The following NDST1 variants were observed in gnomAD, a reference collection of about 807,000 sequenced individuals.
NDST1 encodes the protein N-deacetylase and N-sulfotransferase 1.
A neutral mutation model predicts 92.8 loss-of-function variants in NDST1; 35 were observed. That is an observed-to-expected ratio of 0.38 (90% CI 0.29 to 0.50). NDST1 has a LOEUF of 0.50. Among genes scored for constraint, NDST1 ranks in the 20% least tolerant of loss-of-function variants. The probability of loss-of-function intolerance (pLI) is 0.94; values close to 1 mark genes in which losing one functional copy is unlikely to be tolerated. For missense variants in NDST1, 822 were observed against 1,182.7 expected, an observed-to-expected ratio of 0.69 and a Z score of 4.47; for synonymous variants, 493 against 500.3, an observed-to-expected ratio of 0.99 and a Z score of 0.19.
At chr5:150,505,837 T>A (rs1310245523), upstream of NDST1, among the ~76,000 whole-genome samples, 1 of 152,190 alleles carries the variant, frequency 6.6e-6, no homozygotes, top group Non-Finnish European at 1.5e-5. Flanking sequence ...TGCAGTGCCA[T>A]AGTGCAGTTG....
At chr5:150,505,288 A>G (rs1753400774), upstream of NDST1, among the ~76,000 whole-genome samples, 1 of 152,176 alleles carries the variant, frequency 6.6e-6, no homozygotes, top group Non-Finnish European at 1.5e-5. Flanking sequence ...CCTTCACATT[A>G]GCCCCGGCAT....
intron 11 of NDST1, among the ~76,000 whole-genome samples, chr5:150,547,992 C>T (rs1395536102): frequency 6.6e-6 from 1 of 152,138 alleles, no homozygotes; most frequent in Non-Finnish European, 1.5e-5. Flanking sequence ...CATCAGGAAA[C>T]CCTGATTTCG....
Position 150,521,245 on chromosome 5 carries a change from G to T in NDST1, c.-10G>T. ...CCGGGCCTCCGGTGGCCAAGGTCTCGGAGGCCAGGATGCCTGCCCTGGCAT... is the reference window on the plus strand; with the variant it reads ...CCGGGCCTCCGGTGGCCAAGGTCTCTGAGGCCAGGATGCCTGCCCTGGCAT... On this transcript the variant is annotated 5_prime_UTR_variant, in exon 2 of 15. Coordinates refer to ENST00000261797, the MANE Select transcript of NDST1 (RefSeq NM_001543.5). The surrounding 1 kb of genome is among the most constrained non-coding windows in gnomAD (Gnocchi z 5.9). The T allele has an allele frequency of 6.2e-7, 1 of 1,602,666 alleles. No homozygotes were observed. The highest frequency in any genetic ancestry group is 8.5e-7 in the Non-Finnish European group (1 of 1,176,458).
intron 1 of NDST1, among the ~76,000 whole-genome samples, chr5:150,516,697 G>T (rs568999092): frequency 1.3e-5 from 2 of 152,052 alleles, no homozygotes; most frequent in Non-Finnish European, 1.5e-5. Flanking sequence ...ACAGAGTCTC[G>T]CTCTATTGCC....
rs568470161 is a variant in NDST1 at position 150,500,175 on chromosome 5, G to A, written c.-388+1936G>A. Among the ~76,000 whole-genome samples the A allele has an allele frequency of 1.5e-4, 23 of 152,346 alleles. No individual in the cohort carries two copies. The South Asian group carries it at 4.8e-3, about 32-fold the overall frequency. On this transcript the variant is annotated intron_variant, in intron 1 of 1. Transcript: ENST00000518299. The stretch of plus-strand genomic sequence containing the variant: ...AGAGGTTGCAATTGTTCTGGCTACA[G>A]GAAAAACCTGGGAAGCTTGCAAAAA...
chr5:150,508,322 A>AGTGTGTGTGTGTGTGTGTGTGT (rs56201209), intron 1 of NDST1, 96 bp downstream of exon 1: 3 of 145,980 alleles, frequency 2.1e-5, no homozygotes, highest in African/African-American at 7.7e-5. Flanking sequence ...GGTCCATCTG[A>AGTGTGTGTGTGTGTGTGTGTGT]GTGTGTGTGT....
chr5:150,552,584 C>T, intron 14 of NDST1: 1 of 178,776 alleles, frequency 5.6e-6, no homozygotes, highest in Non-Finnish European at 1.2e-5. Context: ...ACCCCCTGGG[C>T]TCAATCGATC....
chr5:150,534,725 T>A (rs1254570037), intron 4 of NDST1, 142 bp from the exon 5 acceptor site: 2 of 969,562 alleles, frequency 2.1e-6, no homozygotes, highest in African/African-American at 3.2e-5. Context: ...GGGCTCTGTC[T>A]GCTCCTGTGC....
chr5:150,512,562 TC>T (rs1357124788), intron 1 of NDST1, among the ~76,000 whole-genome samples: 2 of 152,340 alleles, frequency 1.3e-5, no homozygotes, highest in African/African-American at 2.4e-5. Flanking sequence ...CGAACCTCCT[TC>T]CTGGATCCCA....
chr5:150,549,822 C>G (rs1459976303), intron 13 of NDST1, 35 bp downstream of exon 13: 1 of 1,361,894 alleles, frequency 7.3e-7, no homozygotes, highest in South Asian at 1.2e-5. Flanking sequence ...CAGGTTATTT[C>G]CCTGATAAGG....
intron 3 of NDST1, among the ~76,000 whole-genome samples, chr5:150,530,889 A>G (rs56696298): frequency 0.032 from 4,854 of 152,220 alleles, 266 homozygotes; most frequent in African/African-American, 0.11. Context: ...AGTGAAAGGA[A>G]TGATAGCAGT....
At chr5:150,525,366 C>T (rs1581373536) in intron 2 of NDST1, among the ~76,000 whole-genome samples, 1 of 152,214 alleles carries the variant, frequency 6.6e-6, no homozygotes, top group African/African-American at 2.4e-5. Flanking sequence ...AATGGGATCC[C>T]TCAGCACCCG....
At chr5:150,535,908 AG>A in intron 6 of NDST1, 23 bp downstream of exon 6, 1 of 1,608,500 alleles carries the variant, frequency 6.2e-7, no homozygotes, top group East Asian at 2.2e-5. Context: ...CTGGAAGCCC[AG>A]GAGGTGGGAG....
chr5:150,547,500 G>A (rs1755540945), intron 11 of NDST1, among the ~76,000 whole-genome samples: 1 of 152,220 alleles, frequency 6.6e-6, no homozygotes, highest in African/African-American at 2.4e-5. Flanking sequence ...ATTATTTTAA[G>A]TGATTCAGAC....
At position 150,554,335 on chromosome 5, in the gene NDST1, T is replaced by TTATATATATATATATA. The variant is rs55954668; in HGVS notation, c.*1012_*1027dup. 7.2e-6 allele frequency: 1 copy of TTATATATATATATATA among 138,166 alleles called. No individual in the cohort carries two copies. The highest frequency in any genetic ancestry group is 2.8e-5 in the African/African-American group (1 of 35,858). 8.6% of individuals were successfully genotyped at this position (138,166 alleles called of 1,614,324 possible). On this transcript the variant is annotated 3_prime_UTR_variant, in exon 15 of 15. Coordinates refer to ENST00000261797, the MANE Select transcript of NDST1 (RefSeq NM_001543.5). Reference sequence around the variant, plus strand: ...CCCTGGGTGCTGGGGTCGCACTGTGTTATATATATATATATATATATATAA... The same window carrying TTATATATATATATATA: ...CCCTGGGTGCTGGGGTCGCACTGTGTTATATATATATATATATATATATATATATATATATATATAA...
At chr5:150,526,137 G>A (rs1754466735) in intron 2 of NDST1, among the ~76,000 whole-genome samples, 1 of 152,114 alleles carries the variant, frequency 6.6e-6, no homozygotes, top group Non-Finnish European at 1.5e-5. Flanking sequence ...CCCTTTGTTT[G>A]TGCTTGTTTG....
chr5:150,552,353 G>A (rs1216614608), intron 14 of NDST1, among the ~76,000 whole-genome samples: 1 of 152,124 alleles, frequency 6.6e-6, no homozygotes, highest in Non-Finnish European at 1.5e-5. Flanking sequence ...ATATGGAATG[G>A]GAGGGTAGGT....
intron 9 of NDST1, 150 bp from the exon 10 acceptor site, chr5:150,542,698 C>T (rs1002114253): frequency 4.8e-5 from 47 of 980,188 alleles, no homozygotes; most frequent in Non-Finnish European, 7.3e-5. Flanking sequence ...GTAATTCCTT[C>T]ATTGCACAGA....
chr5:150,547,623 T>C (rs927173543), intron 11 of NDST1, among the ~76,000 whole-genome samples: 3 of 152,234 alleles, frequency 2.0e-5, no homozygotes, highest in Non-Finnish European at 2.9e-5. Context: ...CAACCTCTGC[T>C]TTCAACAAAG....
Sources: gnomAD v4.1 joint callset for allele counts (sites outside exome capture counted in the v4.1 genomes callset) on GRCh38, gnomAD v4.1.1 for gene constraint, Gnocchi (gnomAD v3.1) non-coding constraint, MANE v1.5 for transcripts, NCBI Gene and HGNC (gene_info 2026-07-23, HGNC 2026-07-21) for gene names.